Variants in UBR3 observed in about 807,000 individuals in gnomAD.
The protein encoded by UBR3 is ubiquitin protein ligase E3 component n-recognin 3.
Under a neutral mutation model 243.2 loss-of-function variants are expected in UBR3, and 85 were observed. The observed-to-expected ratio is 0.35, with a 90% CI of 0.29 to 0.42. The LOEUF (loss-of-function observed/expected upper bound fraction) is 0.42, where lower values mean the gene tolerates loss of function less well. Among genes scored for constraint, UBR3 ranks in the 10% least tolerant of loss-of-function variants. The pLI is 1.00. For missense variants in UBR3, 1,686 were observed against 2,300.8 expected (o/e 0.73, Z 5.47); for synonymous variants, 748 against 799.8 (o/e 0.94, Z 1.09).
intron 11 of UBR3, among the ~76,000 whole-genome samples, chr2:169,920,593 G>T (rs944357597): frequency 3.3e-5 from 5 of 152,184 alleles, no homozygotes; most frequent in Admixed American, 1.3e-4. Flanking sequence ...TTTGCCCTGA[G>T]TGTATGTGCC....
rs1256378134 is a variant in UBR3 at position 170,082,669 on chromosome 2, C to T, written c.*826C>T. 4.6e-5 allele frequency: 7 copies of T among 152,480 alleles called. No individual in the cohort carries two copies. The highest frequency in any genetic ancestry group is 1.9e-4 in the East Asian group (1 of 5,192). 9.4% of individuals were successfully genotyped at this position (152,480 alleles called of 1,614,324 possible). On this transcript the variant is annotated 3_prime_UTR_variant, in exon 39 of 39. Coordinates refer to ENST00000272793, the MANE Select transcript of UBR3 (RefSeq NM_172070.4). ...ACATACACTGGGCAGATGTTGATTC[C>T]GTGCATGCCCACCTTTTATTACCAA...
chr2:170,024,353 CAAAAAAAAAAA>C (rs10606818), intron 30 of UBR3, among the ~76,000 whole-genome samples: 20,119 of 102,274 alleles, frequency 0.2, 1,908 homozygotes, highest in East Asian at 0.44. Flanking sequence ...GACTCCATCT[CAAAAAAAAAAA>C]AAAAAAAAAA....
At chr2:170,051,120 G>A (rs2091206845) in intron 32 of UBR3, among the ~76,000 whole-genome samples, 1 of 151,932 alleles carries the variant, frequency 6.6e-6, no homozygotes, top group Non-Finnish European at 1.5e-5. Context: ...GTTCAGTACA[G>A]ACACAACCAT....
At chr2:170,077,208 AT>A in intron 36 of UBR3, 1 of 694,540 alleles carries the variant, frequency 1.4e-6, no homozygotes, top group Non-Finnish European at 2.7e-6. Context: ...TTCAATAAAT[AT>A]CTATGAAAGT....
In UBR3 at chr2:169,857,064, G is replaced by GTTTTGTTTTTTTT. The variant is rs1255937396; in HGVS notation, c.546-15168_546-15167insGTTTTTTTTTTTT. ...ATGATTTCCAGCATAATTTTATTAT[G>GTTTTGTTTTTTTT]TTTTTTTTTTTTTTTTTTTTTTTTT... On this transcript the variant is annotated intron_variant, in intron 1 of 38. Coordinates refer to ENST00000272793, the MANE Select transcript of UBR3 (RefSeq NM_172070.4). Among the ~76,000 whole-genome samples the GTTTTGTTTTTTTT allele has an allele frequency of 6.8e-4, 38 of 56,094 alleles. 2 individuals are homozygous for GTTTTGTTTTTTTT. Among genetic ancestry groups the GTTTTGTTTTTTTT allele is most frequent in the South Asian group, 1.8e-3 (2 of 1,086 alleles). 36.8% of individuals were successfully genotyped at this position (56,094 alleles called of 152,430 possible). A position where few individuals can be genotyped will look rare whatever the true frequency, so the allele number is the denominator to read the frequency against.
At chr2:170,000,865 G>T (rs2089669581) in intron 26 of UBR3, among the ~76,000 whole-genome samples, 1 of 152,158 alleles carries the variant, frequency 6.6e-6, no homozygotes, top group African/African-American at 2.4e-5. Flanking sequence ...GAGAAAAACA[G>T]TTAAAGAGGC....
Position 169,942,621 on chromosome 2 carries a change from C to T in UBR3, c.2792C>T (p.Thr931Ile). The change falls in exon 20 of 39, where the codon ACT becomes ATT. Residue 931 changes from threonine (T) to isoleucine (I), a missense_variant. Physicochemically the swap from Thr to Ile is moderately conservative, Grantham distance 89. Transcript: ENST00000272793. ...HCKTLHIVLF[T>I]LLYKILMDHQ... Reference sequence around the variant, plus strand: ...AAAACTTTACACATTGTGCTATTCACTCTGCTTTACAAGGTACAGTAGTAA... The same window carrying T: ...AAAACTTTACACATTGTGCTATTCATTCTGCTTTACAAGGTACAGTAGTAA... The T allele has an allele frequency of 6.5e-7, 1 of 1,542,586 alleles. No homozygotes were observed. The highest frequency in any genetic ancestry group is 8.7e-7 in the Non-Finnish European group (1 of 1,144,496).
At chr2:170,032,952 T>C (rs2090719636) in intron 31 of UBR3, among the ~76,000 whole-genome samples, 1 of 152,098 alleles carries the variant, frequency 6.6e-6, no homozygotes, top group African/African-American at 2.4e-5. Flanking sequence ...TGTGTGTGTA[T>C]TTTGTGTTTA....
At chr2:170,069,341 T>C (rs918411585) in intron 35 of UBR3, among the ~76,000 whole-genome samples, 5 of 151,990 alleles carry the variant, frequency 3.3e-5, no homozygotes, top group African/African-American at 9.7e-5. Flanking sequence ...AAATTATATA[T>C]ATAGTATACA....
intron 36 of UBR3, 100 bp downstream of exon 36, chr2:170,073,707 G>A (rs1574483698): frequency 1.6e-6 from 2 of 1,247,170 alleles, no homozygotes; most frequent in Middle Eastern, 2.5e-4. Context: ...GTTTTTGACA[G>A]CAATTATAAA....
chr2:169,859,293 G>A (rs568648349), intron 1 of UBR3, among the ~76,000 whole-genome samples: 2 of 152,090 alleles, frequency 1.3e-5, no homozygotes, highest in Non-Finnish European at 2.9e-5. Flanking sequence ...GGATGGTCTC[G>A]ATCTCCTGAC....
chr2:169,881,132 T>C (rs563927078), intron 5 of UBR3, among the ~76,000 whole-genome samples: 1 of 152,314 alleles, frequency 6.6e-6, no homozygotes, highest in South Asian at 2.1e-4. Context: ...AAGCATGTGA[T>C]GTATATTTAA....
intron 24 of UBR3, among the ~76,000 whole-genome samples, chr2:169,983,132 G>T (rs1217873589): frequency 1.3e-5 from 2 of 151,906 alleles, no homozygotes; most frequent in Non-Finnish European, 2.9e-5. Context: ...GAGAGTGAGA[G>T]CAAGAGAGAG....
At chr2:169,912,399 C>G (rs2085288542) in intron 10 of UBR3, among the ~76,000 whole-genome samples, 1 of 152,120 alleles carries the variant, frequency 6.6e-6, no homozygotes, top group Non-Finnish European at 1.5e-5. Flanking sequence ...AACCACTAAT[C>G]TTCTTTCAAC....
chr2:169,856,032 A>C (rs1574055268), intron 1 of UBR3, among the ~76,000 whole-genome samples: 1 of 151,780 alleles, frequency 6.6e-6, no homozygotes. Context: ...CTCACCTGCC[A>C]GACGGGGCGG....
intron 1 of UBR3, among the ~76,000 whole-genome samples, chr2:169,866,150 C>CAAAAAAAAAAAAAAAAAA (rs578054467): frequency 1.9e-5 from 1 of 53,380 alleles, no homozygotes; most frequent in African/African-American, 1.1e-4. Flanking sequence ...GACTGTGTCT[C>CAAAAAAAAAAAAAAAAAA]AAAAAAAAAA....
chr2:170,034,948 T>A (rs947027277), intron 31 of UBR3, among the ~76,000 whole-genome samples: 2 of 151,272 alleles, frequency 1.3e-5, no homozygotes, highest in African/African-American at 4.9e-5. Flanking sequence ...TTCATATGCT[T>A]ATTAAGCATC....
intron 24 of UBR3, among the ~76,000 whole-genome samples, chr2:169,971,256 T>G (rs1228930112): frequency 6.6e-6 from 1 of 151,086 alleles, no homozygotes; most frequent in African/African-American, 2.4e-5. Context: ...TTGCGAAAAT[T>G]TTCTCCCATT....
rs1395766578 is a variant in UBR3 at position 169,905,157 on chromosome 2, A to G, written c.1509A>G (p.Ala503=). 6.5e-7 allele frequency: 1 copy of G among 1,540,782 alleles called. No homozygotes were observed. The highest frequency in any genetic ancestry group is 8.8e-7 in the Non-Finnish European group (1 of 1,142,480). Residue 503 remains alanine (A), a synonymous_variant, in exon 9 of 39, where the codon GCA becomes GCG. Transcript: ENST00000272793. ...ATGTGGTAGTGAACTGTGGAGAAGCATTACTGAAGAATAACACTTACTGGC... is the reference window on the plus strand; with the variant it reads ...ATGTGGTAGTGAACTGTGGAGAAGCGTTACTGAAGAATAACACTTACTGGC... ...SLHVVVNCGE[A]LLKNNTYWPL...
Sources: allele counts gnomAD v4.1 joint callset (sites outside exome capture counted in the v4.1 genomes callset), GRCh38; gene constraint gnomAD v4.1.1; transcripts MANE v1.5; gene names NCBI Gene and HGNC (gene_info 2026-07-23, HGNC 2026-07-21).